Variants in CSNK1A1 observed in about 807,000 individuals in gnomAD.
The protein encoded by CSNK1A1 is casein kinase 1 alpha 1.
CSNK1A1 carries 7 observed loss-of-function variants against 46.1 expected under a neutral mutation model. That is an observed-to-expected ratio of 0.15 (90% CI 0.09 to 0.29). CSNK1A1 has a LOEUF of 0.29. CSNK1A1 is among the 10% of genes least tolerant of loss of function. CSNK1A1 has a pLI of 1.00. For synonymous variants in CSNK1A1, 137 were observed against 141.5 expected (o/e 0.97, Z 0.23); for missense variants, 96 against 417.1 (o/e 0.23, Z 6.71).
rs574592244 is a variant in CSNK1A1 at position 149,550,249 on chromosome 5, G to A, written c.124-68C>T. Reference sequence around the variant, plus strand: ...ATTCAATGTCACTTAGGAAAGGAGGGAGACATTAGCAAAACTCCAAGTCGC... The same window carrying A: ...ATTCAATGTCACTTAGGAAAGGAGGAAGACATTAGCAAAACTCCAAGTCGC... On this transcript the variant is annotated intron_variant, in intron 1 of 9. Coordinates refer to ENST00000377843, the MANE Select transcript of CSNK1A1 (RefSeq NM_001892.6). This position sits in a 1 kb window ranked among gnomAD's most constrained non-coding sequence, Gnocchi z 4.3. 1,902 of 1,566,384 alleles carry A rather than the reference G, an allele frequency of 1.2e-3. 2 individuals are homozygous for A. Among genetic ancestry groups the A allele is most frequent in the Non-Finnish European group, 1.5e-3 (1,766 of 1,156,456 alleles).
At chr5:149,550,000 C>T (rs1580871748) in intron 2 of CSNK1A1, 75 bp downstream of exon 2, 1 of 1,532,662 alleles carries the variant, frequency 6.5e-7, no homozygotes, top group East Asian at 2.3e-5. Context: ...TTCAGCTGGT[C>T]TCATTACCTG....
chr5:149,549,604 C>A, intron 2 of CSNK1A1: 1 of 675,032 alleles, frequency 1.5e-6, no homozygotes, highest in South Asian at 1.5e-5. Context: ...CCGCCATTTT[C>A]TAAGCGGAGG....
At chr5:149,522,311 A>G (rs1046945510) in intron 3 of CSNK1A1, among the ~76,000 whole-genome samples, 1 of 151,856 alleles carries the variant, frequency 6.6e-6, no homozygotes, top group Non-Finnish European at 1.5e-5. Context: ...GGGTATCGTT[A>G]TGTTGCCCAG....
chr5:149,529,619 C>A, intron 2 of CSNK1A1: 1 of 447,680 alleles, frequency 2.2e-6, no homozygotes, highest in South Asian at 1.6e-5. Context: ...AGGGGCAAAC[C>A]ATTTTGGGGC....
chr5:149,499,920 T>C (rs1329065098), intron 9 of CSNK1A1, among the ~76,000 whole-genome samples: 1 of 151,308 alleles, frequency 6.6e-6, no homozygotes, highest in Non-Finnish European at 1.5e-5. Context: ...ATGTCATTTA[T>C]ACTAACTTTT....
rs1761278870 is a variant in CSNK1A1 at position 149,513,000 on chromosome 5, A to T, written c.596+70T>A. 2.6e-6 allele frequency: 4 copies of T among 1,563,428 alleles called. No individual in the cohort carries two copies. In the African/African-American group the frequency reaches 5.5e-5, roughly 21 times the overall value. ...ACATCCTTAGACATTGTAAGAAACTAAAATATTTCAAAAACCCATTGATGG... is the reference window on the plus strand; with the variant it reads ...ACATCCTTAGACATTGTAAGAAACTTAAATATTTCAAAAACCCATTGATGG... On this transcript the variant is annotated intron_variant, in intron 5 of 9. Coordinates refer to ENST00000377843, the MANE Select transcript of CSNK1A1 (RefSeq NM_001892.6).
At chr5:149,498,040 GC>G (rs1760711753) in intron 9 of CSNK1A1, 3 of 812,190 alleles carry the variant, frequency 3.7e-6, no homozygotes, top group Non-Finnish European at 4.5e-6. Context: ...CACTGTGTTG[GC>G]CAGGCTGGTC....
intron 2 of CSNK1A1, chr5:149,545,807 C>T: frequency 2.0e-6 from 1 of 498,056 alleles, no homozygotes; most frequent in Non-Finnish European, 3.7e-6. Flanking sequence ...CATGTCTGTA[C>T]CTTAAGCCGC....
At chr5:149,503,192 TAGG>T (rs1213651613) in intron 9 of CSNK1A1, 2 of 985,414 alleles carry the variant, frequency 2.0e-6, no homozygotes, top group Non-Finnish European at 2.4e-6. Flanking sequence ...CCAGAATTCC[TAGG>T]AGATTTCTTA....
chr5:149,505,976 G>T (rs1472814963), intron 8 of CSNK1A1, among the ~76,000 whole-genome samples: 3 of 152,064 alleles, frequency 2.0e-5, no homozygotes, highest in Non-Finnish European at 4.4e-5. Context: ...GCCCAGGCTG[G>T]AGTGCAGTGG....
intron 2 of CSNK1A1, among the ~76,000 whole-genome samples, chr5:149,534,906 CAAAAAAAAA>C (rs537826461): frequency 1.4e-5 from 1 of 72,530 alleles, no homozygotes; most frequent in East Asian, 4.6e-4. Flanking sequence ...CCTTGTCTCC[CAAAAAAAAA>C]AAAAAAAAAG....
In CSNK1A1 at chr5:149,551,181, G is replaced by A. The variant is rs1035109763; in HGVS notation, c.-217C>T. 4 of 436,314 alleles carry A rather than the reference G, an allele frequency of 9.2e-6. No homozygotes were observed. Among genetic ancestry groups the A allele is most frequent in the Admixed American group, 4.0e-5 (1 of 25,092 alleles). The allele number at this position is 436,314 out of a possible 1,614,324, so 27.0% of individuals were successfully genotyped here. A position where few individuals can be genotyped will look rare whatever the true frequency, so the allele number is the denominator to read the frequency against. On this transcript the variant is annotated 5_prime_UTR_variant, in exon 1 of 10. Coordinates refer to ENST00000377843, the MANE Select transcript of CSNK1A1 (RefSeq NM_001892.6). ...TTTTTGCCAGGCCGCAGTTTGTGAA[G>A]GGCTTCTCGGCGGTTACCAGGCTGG...
At chr5:149,498,157 G>A (rs1760715685) in intron 9 of CSNK1A1, 1 of 985,168 alleles carries the variant, frequency 1.0e-6, no homozygotes, top group Non-Finnish European at 1.2e-6. Context: ...ACATTTGTTG[G>A]GCCATCTCCC....
At chr5:149,515,713 T>C (rs1761379531) in intron 4 of CSNK1A1, among the ~76,000 whole-genome samples, 1 of 152,304 alleles carries the variant, frequency 6.6e-6, no homozygotes, top group South Asian at 2.1e-4. Flanking sequence ...CTCTGTATGC[T>C]TTGCTGTTTA....
At chr5:149,504,231 C>G in intron 9 of CSNK1A1, 1 of 985,408 alleles carries the variant, frequency 1.0e-6, no homozygotes, top group Non-Finnish European at 1.2e-6. Flanking sequence ...GAATCCTTCC[C>G]AAATACAAAA....
chr5:149,538,542 A>T (rs1762134698), intron 2 of CSNK1A1, among the ~76,000 whole-genome samples: 1 of 152,224 alleles, frequency 6.6e-6, no homozygotes, highest in Admixed American at 6.5e-5. Context: ...AGGTTCAAAA[A>T]TGGGAACACT....
intron 2 of CSNK1A1, among the ~76,000 whole-genome samples, chr5:149,530,749 T>C (rs1215355324): frequency 6.6e-6 from 1 of 151,472 alleles, no homozygotes; most frequent in East Asian, 2.0e-4. Flanking sequence ...GGGCGGATCA[T>C]GAGGCCAGGA....
intron 9 of CSNK1A1, chr5:149,497,591 C>T: frequency 2.0e-6 from 2 of 985,468 alleles, no homozygotes; most frequent in Non-Finnish European, 2.4e-6. Context: ...GTCATAACCA[C>T]ACTTTATCTA....
chr5:149,497,711 C>G (rs756674222), intron 9 of CSNK1A1: 136 of 985,416 alleles, frequency 1.4e-4, no homozygotes, highest in Non-Finnish European at 1.6e-4. Flanking sequence ...ACCAATGCTC[C>G]TTTGTCTACC....
Sources: gnomAD v4.1 joint callset for allele counts (sites outside exome capture counted in the v4.1 genomes callset) on GRCh38, gnomAD v4.1.1 for gene constraint, Gnocchi (gnomAD v3.1) non-coding constraint, MANE v1.5 for transcripts, NCBI Gene and HGNC (gene_info 2026-07-23, HGNC 2026-07-21) for gene names.